CLCN4: variants seen among roughly 807,000 people sequenced by gnomAD.
The protein encoded by CLCN4 is Cl-/H+ antiporter 4, also known as H(+)/Cl(-) exchange transporter 4.
Under a neutral mutation model 41.7 loss-of-function variants are expected in CLCN4, and 1 was observed. The observed-to-expected ratio is 0.02, with a 90% CI of 0.01 to 0.11. The LOEUF is 0.11. Among genes scored for constraint, CLCN4 ranks in the 10% least tolerant of loss-of-function variants. The pLI is 1.00. For synonymous variants in CLCN4, 277 were observed against 285.8 expected (o/e 0.97, Z 0.31); for missense variants, 287 against 661.0 (o/e 0.43, Z 6.20).
chrX:10,228,448 C>A (rs762993975), intron 12 of CLCN4, among the ~76,000 whole-genome samples: 1 of 110,887 alleles, frequency 9.0e-6, no homozygotes, highest in African/African-American at 3.3e-5. Flanking sequence ...CAATCCCCTC[C>A]GTACAGCACC....
At chrX:10,175,911 T>C (rs1602141115) in intron 2 of CLCN4, among the ~76,000 whole-genome samples, 8 of 80,315 alleles carry the variant, frequency 1.0e-4, no homozygotes, top group African/African-American at 2.0e-4. Context: ...TCTCCCTCCC[T>C]CCCTCTCTCT....
At chrX:10,175,614 G>A (rs780611437) in intron 2 of CLCN4, among the ~76,000 whole-genome samples, 1 of 111,890 alleles carries the variant, frequency 8.9e-6, no homozygotes, top group African/African-American at 3.2e-5. Context: ...ACCATGGCCT[G>A]TCTCTGAACT....
intron 4 of CLCN4, among the ~76,000 whole-genome samples, chrX:10,194,293 T>C (rs182581886): frequency 1.5e-4 from 17 of 112,119 alleles, no homozygotes; most frequent in African/African-American, 5.2e-4. Context: ...AGGCCGCCTT[T>C]TGTGATCCAT....
At chrX:10,168,083 A>G (rs928673512) in intron 2 of CLCN4, among the ~76,000 whole-genome samples, 3 of 111,930 alleles carry the variant, frequency 2.7e-5, no homozygotes, top group African/African-American at 9.8e-5. Context: ...GTTTAGGTCT[A>G]TTGATGATAA....
intron 12 of CLCN4, among the ~76,000 whole-genome samples, chrX:10,229,522 C>G (rs1337507523): frequency 9.1e-6 from 1 of 109,432 alleles, no homozygotes; most frequent in Non-Finnish European, 1.9e-5. Flanking sequence ...TTAGGTATAT[C>G]TCCTAATGCT....
chrX:10,162,660 T>C (rs1419214352), intron 2 of CLCN4, among the ~76,000 whole-genome samples: 8 of 112,676 alleles, frequency 7.1e-5, no homozygotes, highest in Non-Finnish European at 1.5e-4. Flanking sequence ...ACATTCAATC[T>C]GTTTCAATAT....
At chrX:10,159,216 A>G (rs1923033207) in intron 2 of CLCN4, among the ~76,000 whole-genome samples, 1 of 112,506 alleles carries the variant, frequency 8.9e-6, no homozygotes, top group Non-Finnish European at 1.9e-5. Flanking sequence ...GCTTCCAAAG[A>G]TAACATGTGA....
rs781201553 is a variant in CLCN4 at position 10,180,501 on chromosome X, C to CTCA, written c.-11-4520_-11-4518dup. 3.6e-5 allele frequency among the ~76,000 whole-genome samples: 4 copies of CTCA among 111,546 alleles called. No individual in the cohort carries two copies. In the South Asian group the frequency reaches 1.5e-3, roughly 42 times the overall value. Reference sequence around the variant, plus strand: ...ACTGCCACCTGGCCGGGCGCAGTGGCTCACGCCTGTAATCCCAGCACTTTG... The same window carrying CTCA: ...ACTGCCACCTGGCCGGGCGCAGTGGCTCATCACGCCTGTAATCCCAGCACTTTG... On this transcript the variant is annotated intron_variant, in intron 2 of 12. Transcript: ENST00000380833.
chrX:10,232,537 T>C (rs1925151913), intron 12 of CLCN4, among the ~76,000 whole-genome samples: 1 of 112,016 alleles, frequency 8.9e-6, no homozygotes, highest in African/African-American at 3.2e-5. Context: ...ATACAGTGAG[T>C]AGTGTTTTGC....
Position 10,215,074 on chromosome X carries a change from A to G in CLCN4, c.1975+995A>G, listed in dbSNP as rs558331287. Among the ~76,000 whole-genome samples the G allele has an allele frequency of 4.5e-5, 5 of 112,090 alleles. No homozygotes were observed. In the South Asian group the frequency reaches 1.8e-3, roughly 41 times the overall value. On this transcript the variant is annotated intron_variant, in intron 11 of 12. Transcript: ENST00000380833. The stretch of plus-strand genomic sequence containing the variant: ...CTGTACAACATTCCAGCATCTCATG[A>G]TAGACCAGGGCCCATGGCGTGGCTC...
At chrX:10,207,655 A>G (rs1475059257) in intron 8 of CLCN4, among the ~76,000 whole-genome samples, 2 of 112,158 alleles carry the variant, frequency 1.8e-5, no homozygotes, top group Non-Finnish European at 3.8e-5. Context: ...TTCTTAACTC[A>G]TGTGCCATAC....
chrX:10,200,724 T>C (rs1312839024), intron 6 of CLCN4, among the ~76,000 whole-genome samples: 1 of 112,396 alleles, frequency 8.9e-6, no homozygotes, highest in East Asian at 2.8e-4. Context: ...GGTCTCACTC[T>C]GTTGCCCAGG....
At chrX:10,184,934 T>C in intron 2 of CLCN4, 88 bp from the exon 3 acceptor site, 1 of 721,827 alleles carries the variant, frequency 1.4e-6, no homozygotes, top group Non-Finnish European at 2.0e-6. Context: ...ATTTTTCTTA[T>C]ATAAGAAAAT....
chrX:10,166,024 C>A (rs1205874981), intron 2 of CLCN4, among the ~76,000 whole-genome samples: 2 of 111,684 alleles, frequency 1.8e-5, no homozygotes, highest in Non-Finnish European at 1.9e-5. Context: ...GGGGTGTGAA[C>A]CTTGGATAAG....
In CLCN4 at chrX:10,231,249, A is replaced by G. The variant is rs777164942; in HGVS notation, c.2193-2245A>G. Among the ~76,000 whole-genome samples the G allele has an allele frequency of 1.4e-3, 162 of 112,173 alleles. 3 individuals carry two copies. The highest frequency in any genetic ancestry group is 9.1e-3 in the Middle Eastern group (2 of 219). ...GGATATGCCATGGTTCAGTTTATCC[A>G]GTCACCTACTAAAGAAAATGTTGGT... On this transcript the variant is annotated intron_variant, in intron 12 of 12. Coordinates refer to ENST00000380833, the MANE Select transcript of CLCN4 (RefSeq NM_001830.4).
intron 6 of CLCN4, among the ~76,000 whole-genome samples, chrX:10,206,055 C>T (rs936261620): frequency 2.7e-5 from 3 of 111,674 alleles, no homozygotes; most frequent in African/African-American, 9.8e-5. Flanking sequence ...CTCTTCTCAA[C>T]ATAACAAAAG....
chrX:10,230,573 C>T (rs781253515), intron 12 of CLCN4, among the ~76,000 whole-genome samples: 1 of 112,109 alleles, frequency 8.9e-6, no homozygotes, highest in South Asian at 3.7e-4. Context: ...GACCAGAGCC[C>T]TTGTTGGGCC....
intron 6 of CLCN4, among the ~76,000 whole-genome samples, 155 bp downstream of exon 6, chrX:10,198,216 A>G (rs1353908261): frequency 8.9e-6 from 1 of 112,191 alleles, no homozygotes; most frequent in Non-Finnish European, 1.9e-5. Context: ...TCTGCATTTG[A>G]TAGTTGACGA....
rs1007254230 is a variant in CLCN4, at chrX:10,206,221, A to C, written c.556-137A>C. 3 of 466,719 alleles carry C rather than the reference A, an allele frequency of 6.4e-6. No individual in the cohort carries two copies. In the African/African-American group the frequency reaches 7.3e-5, roughly 11 times the overall value. The allele number at this position is 466,719 out of a possible 1,213,427, so 38.5% of individuals were successfully genotyped here. A position where few individuals can be genotyped will look rare whatever the true frequency, so the allele number is the denominator to read the frequency against. ...GTTAATATAAAATTATAGTTAAATC[A>C]AAAATGAAAATGGTTTCTGTTCCAT... On this transcript the variant is annotated intron_variant, in intron 6 of 12. Transcript: ENST00000380833.
Sources: allele counts gnomAD v4.1 joint callset (sites outside exome capture counted in the v4.1 genomes callset), GRCh38; gene constraint gnomAD v4.1.1; transcripts MANE v1.5; gene names NCBI Gene and HGNC (gene_info 2026-07-23, HGNC 2026-07-21).